FLT1: variants seen among roughly 807,000 people sequenced by gnomAD.
The protein encoded by FLT1 is fms related receptor tyrosine kinase 1.
FLT1 carries 49 observed loss-of-function variants against 156.3 expected under a neutral mutation model. The observed-to-expected ratio is 0.31, with a 90% CI of 0.25 to 0.40. FLT1 has a LOEUF of 0.40. Among genes scored for constraint, FLT1 ranks in the 10% least tolerant of loss-of-function variants. FLT1 has a pLI of 1.00. For missense variants in FLT1, 1,322 were observed against 1,637.2 expected (o/e 0.81, Z 3.32); for synonymous variants, 594 against 583.8 (o/e 1.02, Z -0.25).
chr13:28,444,131 C>T (rs1316487359), intron 3 of FLT1, among the ~76,000 whole-genome samples: 1 of 152,162 alleles, frequency 6.6e-6, no homozygotes, highest in East Asian at 1.9e-4. Flanking sequence ...GTGAAGATTT[C>T]AATACCCCAC....
intron 3 of FLT1, among the ~76,000 whole-genome samples, chr13:28,462,183 AG>A (rs1879616651): frequency 6.6e-6 from 1 of 152,236 alleles, no homozygotes; most frequent in Non-Finnish European, 1.5e-5. Flanking sequence ...ACTAAATTAA[AG>A]ATACTGACAA....
intron 14 of FLT1, among the ~76,000 whole-genome samples, chr13:28,362,934 C>G (rs1873162892): frequency 6.6e-6 from 1 of 152,178 alleles, no homozygotes; most frequent in African/African-American, 2.4e-5. Flanking sequence ...GACATTGATG[C>G]TTCCCCATCA....
At chr13:28,304,135 G>GTT (rs1210589023) in intron 29 of FLT1, among the ~76,000 whole-genome samples, 1 of 152,178 alleles carries the variant, frequency 6.6e-6, no homozygotes, top group African/African-American at 2.4e-5. Context: ...ACGTGTCCAT[G>GTT]TTCTATATTT....
rs377158189 is a variant in FLT1 at position 28,348,591 on chromosome 13, C to CTCTAAAGAGTT, written c.2249-3051_2249-3041dup. Among the ~76,000 whole-genome samples the CTCTAAAGAGTT allele has an allele frequency of 2.4e-3, 372 of 152,254 alleles. 1 individual carries two copies. The highest frequency in any genetic ancestry group is 8.2e-3 in the African/African-American group (340 of 41,552). ...TATATATATGTTTTGCTTTACCTAC[C>CTCTAAAGAGTT]TCTAAAGAGTTTCATGAGGGTTTTA... On this transcript the variant is annotated intron_variant, in intron 15 of 29. Coordinates refer to ENST00000282397, the MANE Select transcript of FLT1 (RefSeq NM_002019.4).
intron 10 of FLT1, among the ~76,000 whole-genome samples, chr13:28,413,372 AC>A (rs1876436785): frequency 1.6e-5 from 1 of 60,766 alleles, no homozygotes; most frequent in African/African-American, 6.1e-5. Context: ...CCCGCCCTCC[AC>A]CCCCCAAGCC....
At chr13:28,388,286 A>G in intron 13 of FLT1, 1 of 1,057,288 alleles carries the variant, frequency 9.5e-7, no homozygotes, top group Non-Finnish European at 1.1e-6. Context: ...CACGTTTGAC[A>G]AAAGCAATTC....
At chr13:28,456,433 A>T (rs1879266843) in intron 3 of FLT1, among the ~76,000 whole-genome samples, 2 of 152,188 alleles carry the variant, frequency 1.3e-5, no homozygotes, top group African/African-American at 4.8e-5. Context: ...CAATCTGAAA[A>T]GGCTACATAC....
chr13:28,413,481 A>G (rs943541075), intron 10 of FLT1, among the ~76,000 whole-genome samples: 3 of 151,824 alleles, frequency 2.0e-5, no homozygotes, highest in Non-Finnish European at 4.4e-5. Context: ...CTGAAAGGCT[A>G]AAAGAGTGGG....
rs544744915 is a variant in FLT1 at position 28,427,282 on chromosome 13, A to G, written c.1313T>C (p.Phe438Ser). The G allele has an allele frequency of 6.2e-7, 1 of 1,614,016 alleles. No individual in the cohort carries two copies. Among genetic ancestry groups the G allele is most frequent in the African/African-American group, 1.3e-5 (1 of 75,016 alleles). The part of the protein sequence containing the change: ...PQIYEKAVSS[F>S]PDPALYPLGS... ...CAGTGGGTAGAGAGCCGGGTCTGGA[A>G]ACGATGACACGGCCTTTTCGTAAAT... is the stretch of plus-strand genomic sequence containing the variant. Residue 438 changes from phenylalanine to serine, a missense_variant, in exon 10 of 30, where the codon TTT (phenylalanine) becomes TCT (serine). By Grantham distance (155) the Phe-to-Ser change is radical. Coordinates refer to ENST00000282397, the MANE Select transcript of FLT1 (RefSeq NM_002019.4).
chr13:28,490,209 A>G (rs1881392862), intron 1 of FLT1, among the ~76,000 whole-genome samples: 1 of 152,156 alleles, frequency 6.6e-6, no homozygotes, highest in Non-Finnish European at 1.5e-5. Context: ...TAGCTCTTAC[A>G]ACGTGTGTGT....
At chr13:28,394,246 T>C (rs1392941058) in intron 12 of FLT1, among the ~76,000 whole-genome samples, 1 of 152,170 alleles carries the variant, frequency 6.6e-6, no homozygotes, top group Non-Finnish European at 1.5e-5. Flanking sequence ...TTCCAGGCAA[T>C]GAGGGCTTGG....
rs139925814 is a variant in FLT1, at chr13:28,481,741, T to C, written c.64+13039A>G. On this transcript the variant is annotated intron_variant, in intron 1 of 29. Coordinates refer to ENST00000282397, the MANE Select transcript of FLT1 (RefSeq NM_002019.4). The stretch of plus-strand genomic sequence containing the variant: ...TAGAATAGGTGAATACTAAGAAATA[T>C]GGAAGATAATCTAAGTCAACAAATA... Among the ~76,000 whole-genome samples the C allele has an allele frequency of 1.1e-3, 166 of 152,354 alleles. 1 individual carries two copies. Among genetic ancestry groups the C allele is most frequent in the African/African-American group, 3.9e-3 (161 of 41,580 alleles).
At chr13:28,398,782 G>A (rs1875230229) in intron 11 of FLT1, among the ~76,000 whole-genome samples, 1 of 152,200 alleles carries the variant, frequency 6.6e-6, no homozygotes, top group Non-Finnish European at 1.5e-5. Context: ...GAGAGACAGA[G>A]ATGAATATGA....
intron 10 of FLT1, among the ~76,000 whole-genome samples, chr13:28,415,003 A>G (rs1235595161): frequency 6.6e-6 from 1 of 152,206 alleles, no homozygotes; most frequent in Admixed American, 6.5e-5. Context: ...GGCCCTGGCT[A>G]ACCTCAGCAC....
chr13:28,486,598 G>A (rs962950469), intron 1 of FLT1, among the ~76,000 whole-genome samples: 2 of 148,702 alleles, frequency 1.3e-5, no homozygotes, highest in Non-Finnish European at 3.0e-5. Flanking sequence ...AGGCAGAGAA[G>A]GAGGACCATT....
At chr13:28,361,773 GTA>G (rs1309184079) in intron 14 of FLT1, among the ~76,000 whole-genome samples, 1 of 152,192 alleles carries the variant, frequency 6.6e-6, no homozygotes, top group Non-Finnish European at 1.5e-5. Flanking sequence ...TTTCATGTGT[GTA>G]TTAGCCATTT....
intron 29 of FLT1, 130 bp from the exon 30 acceptor site, chr13:28,303,498 C>CG (rs987598452): frequency 7.5e-6 from 6 of 797,682 alleles, no homozygotes; most frequent in South Asian, 3.1e-5. Flanking sequence ...TGGAACCCCC[C>CG]CCCCCTCAAT....
intron 1 of FLT1, among the ~76,000 whole-genome samples, chr13:28,479,163 C>A (rs1880705068): frequency 6.6e-6 from 1 of 152,034 alleles, no homozygotes; most frequent in Admixed American, 6.6e-5. Flanking sequence ...ATATACAAAC[C>A]CTCTGACCTT....
Position 28,494,898 on chromosome 13 carries a change from C to T in FLT1, c.-55G>A, listed in dbSNP as rs1881680475. On this transcript the variant is annotated 5_prime_UTR_variant, in exon 1 of 30. Transcript: ENST00000282397. ...TGCCCGCGCTCCCCGCGGCCAACGA[C>T]CCGGCCGCCAGAGTCCGTCCTCTCG... The T allele has an allele frequency of 1.4e-6, 2 of 1,424,824 alleles. No individual in the cohort carries two copies. Among genetic ancestry groups the T allele is most frequent in the South Asian group, 1.3e-5 (1 of 78,598 alleles). 88.3% of individuals were successfully genotyped at this position (1,424,824 alleles called of 1,614,324 possible). A position where few individuals can be genotyped will look rare whatever the true frequency, so the allele number is the denominator to read the frequency against.
Sources: gnomAD v4.1 joint callset for allele counts (sites outside exome capture counted in the v4.1 genomes callset) on GRCh38, gnomAD v4.1.1 for gene constraint, MANE v1.5 for transcripts, NCBI Gene and HGNC (gene_info 2026-07-23, HGNC 2026-07-21) for gene names.